The following USP37 variants were observed in gnomAD, a reference collection of about 807,000 sequenced individuals.
The protein encoded by USP37 is ubiquitin carboxyl-terminal hydrolase 37.
In USP37, 27 loss-of-function variants were observed where a neutral mutation model predicts 124.0. The ratio of observed to expected loss-of-function variants is 0.22; its 90% CI spans 0.16 to 0.30. The LOEUF is 0.30. Ranked by LOEUF, USP37 falls within the 10% of genes least tolerant of loss-of-function variation. USP37 has a pLI of 1.00. For synonymous variants in USP37, 365 were observed against 388.0 expected (o/e 0.94, Z 0.70); for missense variants, 889 against 1,140.4 (o/e 0.78, Z 3.17).
intron 13 of USP37, 31 bp from the exon 14 acceptor site, chr2:218,495,981 A>G (rs1184411007): frequency 1.9e-6 from 3 of 1,580,718 alleles, no homozygotes; most frequent in African/African-American, 1.4e-5. Context: ...TTAATCAGAT[A>G]AAAACATTTC....
intron 20 of USP37, among the ~76,000 whole-genome samples, chr2:218,466,759 G>A (rs1389993482): frequency 6.6e-6 from 1 of 152,026 alleles, no homozygotes; most frequent in Non-Finnish European, 1.5e-5. Context: ...TTTGGGGACA[G>A]TGTCTTGCTC....
chr2:218,472,110 T>G (rs902814173), intron 20 of USP37, among the ~76,000 whole-genome samples: 18 of 151,932 alleles, frequency 1.2e-4, no homozygotes, highest in Non-Finnish European at 2.4e-4. Context: ...CAAGAGTCTT[T>G]CCTTCGCAAT....
At position 218,460,805 on chromosome 2, in the gene USP37, G is replaced by A. The variant is rs545936922; in HGVS notation, c.2528-900C>T. ...AAAATACAAAAATTAGCCAGGTGTG[G>A]TGGCGCACACCAGTAGTCCCAGCTA... On this transcript the variant is annotated intron_variant, in intron 22 of 25. Transcript: ENST00000258399. Among the ~76,000 whole-genome samples, 123 of 152,200 alleles carry A rather than the reference G, an allele frequency of 8.1e-4. 1 individual carries two copies. The Middle Eastern group carries it at 0.027, about 34-fold the overall frequency.
chr2:218,457,933 G>A (rs981697147), intron 23 of USP37, among the ~76,000 whole-genome samples: 25 of 151,572 alleles, frequency 1.6e-4, no homozygotes, highest in Non-Finnish European at 2.9e-4. Context: ...CCAGCTGCTC[G>A]GGAGGCTGAG....
At chr2:218,515,383 AATAACACCACAC>A (rs1238290019) in intron 10 of USP37, among the ~76,000 whole-genome samples, 1 of 152,182 alleles carries the variant, frequency 6.6e-6, no homozygotes, top group African/African-American at 2.4e-5. Flanking sequence ...AGGCCTCAGA[AATAACACCACAC>A]ATCTACAGCC....
intron 18 of USP37, 91 bp downstream of exon 18, chr2:218,479,559 C>T: frequency 1.9e-6 from 2 of 1,058,370 alleles, no homozygotes; most frequent in Non-Finnish European, 2.9e-6. Flanking sequence ...AAAAGAAAAA[C>T]AATAATGAAA....
chr2:218,547,666 C>T (rs929850220), intron 6 of USP37, among the ~76,000 whole-genome samples: 3 of 147,938 alleles, frequency 2.0e-5, no homozygotes, highest in African/African-American at 7.4e-5. Context: ...AAAAAAATAT[C>T]TAATTATGAT....
At chr2:218,475,404 G>A (rs1170424614) in intron 19 of USP37, among the ~76,000 whole-genome samples, 1 of 152,154 alleles carries the variant, frequency 6.6e-6, no homozygotes, top group East Asian at 1.9e-4. Context: ...TTTGAGACCA[G>A]CCTGGCCAAC....
intron 14 of USP37, among the ~76,000 whole-genome samples, chr2:218,493,132 C>G (rs1201079120): frequency 1.3e-5 from 2 of 151,952 alleles, no homozygotes; most frequent in Non-Finnish European, 2.9e-5. Flanking sequence ...GTACATTTGC[C>G]AAACTGGCCA....
chr2:218,525,293 C>A (rs955956564), intron 10 of USP37, among the ~76,000 whole-genome samples: 2 of 152,086 alleles, frequency 1.3e-5, no homozygotes, highest in South Asian at 4.1e-4. Flanking sequence ...CTAGCCTGGG[C>A]AACATGGTGA....
chr2:218,555,881 C>T (rs1407403067), intron 4 of USP37, among the ~76,000 whole-genome samples: 1 of 149,206 alleles, frequency 6.7e-6, no homozygotes, highest in East Asian at 1.9e-4. Context: ...GAGACTCTCC[C>T]CAGATAATTT....
chr2:218,503,647 G>A lies in USP37; in HGVS notation c.1026-5490C>T, dbSNP rs560379346. Among the ~76,000 whole-genome samples the A allele has an allele frequency of 5.9e-5, 9 of 152,268 alleles. No homozygotes were observed. The South Asian group carries it at 8.3e-4, about 14-fold the overall frequency. Reference sequence around the variant, plus strand: ...GAAGAATTGCTTGAACCCGGGAGGCGGAGGCTGCAGTGAGCCGAGATCGCA... The same window carrying A: ...GAAGAATTGCTTGAACCCGGGAGGCAGAGGCTGCAGTGAGCCGAGATCGCA... On this transcript the variant is annotated intron_variant, in intron 11 of 25. Transcript: ENST00000258399.
At chr2:218,496,239 GCCAAGATCGCA>G (rs139083201) in intron 13 of USP37, among the ~76,000 whole-genome samples, 70,155 of 151,588 alleles carry the variant, frequency 0.46, 19,347 homozygotes, top group East Asian at 0.78. Context: ...GTTACAGTGA[GCCAAGATCGCA>G]CCATTATATT....
intron 15 of USP37, among the ~76,000 whole-genome samples, 162 bp from the exon 16 acceptor site, chr2:218,485,905 C>G (rs1344897237): frequency 6.6e-6 from 1 of 152,056 alleles, no homozygotes; most frequent in Non-Finnish European, 1.5e-5. Flanking sequence ...AAATTAAGAC[C>G]CAATCCTCAA....
At chr2:218,469,611 C>T (rs1690558066) in intron 20 of USP37, among the ~76,000 whole-genome samples, 1 of 152,050 alleles carries the variant, frequency 6.6e-6, no homozygotes, top group East Asian at 1.9e-4. Context: ...ATACTAGTAA[C>T]TAATCCATGT....
Position 218,454,874 on chromosome 2 carries a change from A to G in USP37, c.*56T>C. On this transcript the variant is annotated 3_prime_UTR_variant, in exon 26 of 26. Coordinates refer to ENST00000258399, the MANE Select transcript of USP37 (RefSeq NM_020935.3). ...ATTCTCCTTCAGCAGAGGAAAGGTG[A>G]GGTGGGCAGCAGTAACAAATATGCA... 1 of 1,591,622 alleles carries G rather than the reference A, an allele frequency of 6.3e-7. No individual in the cohort carries two copies. The highest frequency in any genetic ancestry group is 8.5e-7 in the Non-Finnish European group (1 of 1,169,998).
chr2:218,543,996 AT>A (rs1692154613), intron 8 of USP37, among the ~76,000 whole-genome samples: 1 of 152,056 alleles, frequency 6.6e-6, no homozygotes. Flanking sequence ...TGATATTAAT[AT>A]TAGCAGAAGC....
chr2:218,455,079 C>A, intron 25 of USP37, 62 bp from the exon 26 acceptor site: 1 of 1,588,960 alleles, frequency 6.3e-7, no homozygotes. Flanking sequence ...AAAGAATAGG[C>A]AGGAGAAAAA....
chr2:218,465,374 C>T (rs1690256921), intron 21 of USP37, among the ~76,000 whole-genome samples: 1 of 144,450 alleles, frequency 6.9e-6, no homozygotes, highest in African/African-American at 2.6e-5. Context: ...TCCAGGAGTT[C>T]AAAACCAGCC....
Sources: allele counts gnomAD v4.1 joint callset (sites outside exome capture counted in the v4.1 genomes callset), GRCh38; gene constraint gnomAD v4.1.1; transcripts MANE v1.5; gene names NCBI Gene and HGNC (gene_info 2026-07-23, HGNC 2026-07-21).